The following TRAP1 variants were observed in gnomAD, a reference collection of about 807,000 sequenced individuals.
The protein encoded by TRAP1 is heat shock protein 75 kDa, mitochondrial.
A neutral mutation model predicts 89.1 loss-of-function variants in TRAP1; 102 were observed. The ratio of observed to expected loss-of-function variants is 1.15; its 90% CI spans 0.98 to 1.35. TRAP1 has a LOEUF of 1.35. TRAP1 is among the 40% of genes most tolerant of loss of function. The pLI is 0.00. For synonymous variants in TRAP1, 508 were observed against 388.0 expected (o/e 1.31, Z -3.64); for missense variants, 1,256 against 945.3 (o/e 1.33, Z -4.31).
chr16:3,663,092 A>C (rs1042595071), intron 14 of TRAP1, 125 bp from the exon 15 acceptor site: 31 of 766,712 alleles, frequency 4.0e-5, no homozygotes, highest in Non-Finnish European at 2.3e-5. Context: ...CAAGCTAGCA[A>C]GATGCTTTTC....
At chr16:3,690,481 T>A (rs1487594159) in intron 2 of TRAP1, among the ~76,000 whole-genome samples, 1 of 152,174 alleles carries the variant, frequency 6.6e-6, no homozygotes, top group African/African-American at 2.4e-5. Flanking sequence ...TCAGAGGGAA[T>A]GAAAAGACAG....
chr16:3,705,059 T>C (rs1329105502), intron 1 of TRAP1, among the ~76,000 whole-genome samples: 1 of 152,008 alleles, frequency 6.6e-6, no homozygotes, highest in Non-Finnish European at 1.5e-5. Flanking sequence ...CCACGACCAC[T>C]AACCACAGAA....
chr16:3,676,543 G>A (rs532630696), intron 6 of TRAP1: 1 of 160,160 alleles, frequency 6.2e-6, no homozygotes, highest in African/African-American at 2.4e-5. Flanking sequence ...AAGAAGAGCA[G>A]AAAACCATCT....
chr16:3,672,025 G>A (rs2050921025), intron 10 of TRAP1, among the ~76,000 whole-genome samples: 1 of 152,248 alleles, frequency 6.6e-6, no homozygotes, highest in South Asian at 2.1e-4. Flanking sequence ...GAAAATGACA[G>A]CCTGGGCTTT....
At chr16:3,692,053 G>A (rs1309290250) in intron 1 of TRAP1, among the ~76,000 whole-genome samples, 1 of 152,148 alleles carries the variant, frequency 6.6e-6, no homozygotes, top group Non-Finnish European at 1.5e-5. Flanking sequence ...CCACATACCA[G>A]GACCCTGCCT....
chr16:3,666,033 A>G lies in TRAP1; in HGVS notation c.1321T>C (p.Phe441Leu), dbSNP rs774444791. Residue 441 changes from phenylalanine to leucine, a missense_variant, in exon 12 of 18, where the codon TTT becomes CTT. By Grantham distance (22) the Phe-to-Leu change is conservative (BLOSUM62 0). Coordinates refer to ENST00000246957, the MANE Select transcript of TRAP1 (RefSeq NM_016292.3). ...CGCATGAACAGGCCGTAATCTTCAA[A>G]AAACTTTGCATACTTCTCAGCATCT... ...KKDAEKYAKF[F>L]EDYGLFMREG... 2 of 1,614,096 alleles carry G rather than the reference A, an allele frequency of 1.2e-6. No homozygotes were observed. The highest frequency in any genetic ancestry group is 2.7e-5 in the African/African-American group (2 of 74,946).
intron 11 of TRAP1, among the ~76,000 whole-genome samples, chr16:3,667,377 A>G (rs964647051): frequency 1.3e-5 from 2 of 152,092 alleles, no homozygotes; most frequent in Non-Finnish European, 2.9e-5. Context: ...TAATCGCACC[A>G]CTTTGGGAGG....
rs911499201 is a variant in TRAP1 at position 3,691,993 on chromosome 16, C to T, written c.89-1008G>A. 2.0e-5 allele frequency among the ~76,000 whole-genome samples: 3 copies of T among 152,124 alleles called. No individual in the cohort carries two copies. In the South Asian group the frequency reaches 6.2e-4, roughly 32 times the overall value. ...GGCCCAGAAACCAGACACTTTCACT[C>T]CAACACAGGACTGGACCGACCCAAC... On this transcript the variant is annotated intron_variant, in intron 1 of 17. Coordinates refer to ENST00000246957, the MANE Select transcript of TRAP1 (RefSeq NM_016292.3).
chr16:3,708,204 A>T (rs894948088), intron 1 of TRAP1, among the ~76,000 whole-genome samples: 1 of 151,878 alleles, frequency 6.6e-6, no homozygotes, highest in African/African-American at 2.4e-5. Flanking sequence ...CCTCTAAAAT[A>T]AAATTTAGTG....
rs973907687 is a variant in TRAP1 at position 3,674,790 on chromosome 16, G to C, written c.889-296C>G. 8.5e-6 allele frequency: 4 copies of C among 472,166 alleles called. No homozygotes were observed. The East Asian group carries it at 1.6e-4, about 19-fold the overall frequency. 29.2% of individuals were successfully genotyped at this position (472,166 alleles called of 1,614,324 possible). On this transcript the variant is annotated intron_variant, in intron 8 of 17. Coordinates refer to ENST00000246957, the MANE Select transcript of TRAP1 (RefSeq NM_016292.3). Reference sequence around the variant, plus strand: ...CGCTGCCCAGCAGGGGCGAGCTGACGAATACAGTGTGGGCCGTGAGAGCGA... The same window carrying C: ...CGCTGCCCAGCAGGGGCGAGCTGACCAATACAGTGTGGGCCGTGAGAGCGA...
chr16:3,712,700 C>T (rs185056565), intron 1 of TRAP1, among the ~76,000 whole-genome samples: 49 of 152,302 alleles, frequency 3.2e-4, no homozygotes, highest in Admixed American at 8.5e-4. Flanking sequence ...CTCCAACCTC[C>T]ACCTCCCAGG....
chr16:3,695,261 G>A (rs1415030205), intron 1 of TRAP1, among the ~76,000 whole-genome samples: 2 of 152,196 alleles, frequency 1.3e-5, no homozygotes, highest in African/African-American at 4.8e-5. Flanking sequence ...TACAGAGAAT[G>A]CAAAGAAAGC....
At chr16:3,690,341 G>T (rs9923245) in intron 2 of TRAP1, among the ~76,000 whole-genome samples, 54,266 of 152,014 alleles carry the variant, frequency 0.36, 10,809 homozygotes, top group African/African-American at 0.55. Flanking sequence ...AAATTAATTA[G>T]TTAGAAATCA....
rs146112190 is a variant in TRAP1, at chr16:3,674,345, G to A, written c.1038C>T (p.Pro346=). Residue 346 remains proline (P), a synonymous_variant, in exon 9 of 18, where the codon CCC becomes CCT. Coordinates refer to ENST00000246957, the MANE Select transcript of TRAP1 (RefSeq NM_016292.3). ...PLNIRSIFYV[P]DMKPSMFDVS... ...GACTGCCACAGTGCCTCACCATGTC[G>A]GGCACGTAGAAGATGCTGCGGATGT... 3.8e-5 allele frequency: 62 copies of A among 1,613,740 alleles called. No individual in the cohort carries two copies. Among genetic ancestry groups the A allele is most frequent in the Middle Eastern group, 3.3e-4 (2 of 6,080 alleles).
At chr16:3,664,543 G>A (rs1443728143) in intron 12 of TRAP1, 84 bp from the exon 13 acceptor site, 1 of 1,417,792 alleles carries the variant, frequency 7.1e-7, no homozygotes, top group Admixed American at 2.5e-5. Context: ...ACCCTCCGAT[G>A]CCCATGGCCT....
intron 1 of TRAP1, among the ~76,000 whole-genome samples, chr16:3,701,068 A>G (rs557582189): frequency 1.3e-5 from 2 of 152,362 alleles, no homozygotes; most frequent in East Asian, 3.9e-4. Flanking sequence ...CACTTTAAAC[A>G]TAAAGAAAAA....
intron 1 of TRAP1, among the ~76,000 whole-genome samples, chr16:3,694,951 T>C (rs972215552): frequency 2.6e-5 from 4 of 152,174 alleles, no homozygotes; most frequent in African/African-American, 7.2e-5. Flanking sequence ...GAGGGTCTGT[T>C]TGCGCCTCTT....
chr16:3,703,167 C>G (rs1385542114), intron 1 of TRAP1, among the ~76,000 whole-genome samples: 1 of 147,058 alleles, frequency 6.8e-6, no homozygotes, highest in Non-Finnish European at 1.5e-5. Flanking sequence ...GGAACAAAAA[C>G]TAAACAATTA....
chr16:3,695,434 G>A (rs1299550503), intron 1 of TRAP1, among the ~76,000 whole-genome samples: 1 of 151,730 alleles, frequency 6.6e-6, no homozygotes. Flanking sequence ...TACTCGGGAG[G>A]CCGAGGTGGA....
Sources: gnomAD v4.1 joint callset for allele counts (sites outside exome capture counted in the v4.1 genomes callset) on GRCh38, gnomAD v4.1.1 for gene constraint, MANE v1.5 for transcripts, NCBI Gene and HGNC (gene_info 2026-07-23, HGNC 2026-07-21) for gene names.